The following CADM2 variants were observed in gnomAD, a reference collection of about 807,000 sequenced individuals.
The protein encoded by CADM2 is immunoglobulin superfamily member 4D.
In CADM2, 12 loss-of-function variants were observed where a neutral mutation model predicts 49.8. The ratio of observed to expected loss-of-function variants is 0.24; its 90% CI spans 0.15 to 0.39. The LOEUF (loss-of-function observed/expected upper bound fraction) is 0.39, where lower values mean the gene tolerates loss of function less well. Ranked by LOEUF, CADM2 falls within the 10% of genes least tolerant of loss-of-function variation. The pLI, the probability that CADM2 is intolerant of heterozygous loss-of-function variation, is 1.00. For missense variants in CADM2, 378 were observed against 492.3 expected (o/e 0.77, Z 2.20); for synonymous variants, 214 against 175.4 (o/e 1.22, Z -1.74).
At chr3:85,232,797 G>A (rs1469114472) in intron 1 of CADM2, among the ~76,000 whole-genome samples, 2 of 152,140 alleles carry the variant, frequency 1.3e-5, no homozygotes, top group African/African-American at 4.8e-5. Flanking sequence ...GATGTTAAGA[G>A]TGCAAAATGG....
chr3:85,559,726 C>G (rs2062047520), intron 1 of CADM2, among the ~76,000 whole-genome samples: 1 of 151,508 alleles, frequency 6.6e-6, no homozygotes, highest in Admixed American at 6.6e-5. Context: ...CTTTTTATTG[C>G]TTAAGCCATG....
At chr3:85,801,117 T>G (rs1197458890) in intron 2 of CADM2, among the ~76,000 whole-genome samples, 2 of 152,176 alleles carry the variant, frequency 1.3e-5, no homozygotes, top group Non-Finnish European at 2.9e-5. Flanking sequence ...TTATCAGACT[T>G]AGCAGAGTTT....
At chr3:85,812,729 G>GTGAT in intron 3 of CADM2, among the ~76,000 whole-genome samples, 1 of 152,104 alleles carries the variant, frequency 6.6e-6, no homozygotes, top group Middle Eastern at 3.4e-3. Context: ...GCCTCAGTGT[G>GTGAT]TGATGTTCCC....
intron 2 of CADM2, among the ~76,000 whole-genome samples, chr3:85,753,399 A>G (rs1193784155): frequency 6.6e-6 from 1 of 152,142 alleles, no homozygotes; most frequent in Admixed American, 6.6e-5. Context: ...CAGGAAAAAA[A>G]ATGTGATTGC....
At chr3:85,819,788 G>A (rs1040973209) in intron 3 of CADM2, among the ~76,000 whole-genome samples, 19 of 152,084 alleles carry the variant, frequency 1.2e-4, no homozygotes, top group Non-Finnish European at 2.6e-4. Flanking sequence ...AGTTTTTCTA[G>A]GCGCTTGAGA....
At chr3:85,712,273 T>C (rs1231521516) in intron 1 of CADM2, among the ~76,000 whole-genome samples, 1 of 152,174 alleles carries the variant, frequency 6.6e-6, no homozygotes, top group Non-Finnish European at 1.5e-5. Context: ...TGAAAGACAG[T>C]TCATGACATT....
At chr3:86,013,251 C>T (rs1324108778) in intron 8 of CADM2, 2 of 1,477,152 alleles carry the variant, frequency 1.4e-6, no homozygotes, top group East Asian at 2.3e-5. Flanking sequence ...TAGCAATGCT[C>T]AGAACCCCAG....
chr3:85,767,270 G>A (rs1351222883), intron 2 of CADM2, among the ~76,000 whole-genome samples: 2 of 152,122 alleles, frequency 1.3e-5, no homozygotes, highest in East Asian at 3.9e-4. Context: ...TCAATATTGG[G>A]CATAAGCCAG....
chr3:85,866,880 G>A (rs370199529), intron 3 of CADM2, among the ~76,000 whole-genome samples: 5 of 151,664 alleles, frequency 3.3e-5, no homozygotes, highest in East Asian at 1.9e-4. Flanking sequence ...ATGCACAAAC[G>A]TGCATTCATG....
intron 1 of CADM2, among the ~76,000 whole-genome samples, chr3:85,016,778 G>T (rs1204716127): frequency 6.6e-6 from 1 of 150,752 alleles, no homozygotes; most frequent in Non-Finnish European, 1.5e-5. Flanking sequence ...GGGCAACAGA[G>T]CAAGTCTCCA....
chr3:85,728,286 T>G (rs563394887), intron 2 of CADM2, among the ~76,000 whole-genome samples: 31 of 152,296 alleles, frequency 2.0e-4, no homozygotes, highest in Admixed American at 5.2e-4. Flanking sequence ...CTTAGCCATT[T>G]TATTTGACTC....
At chr3:85,654,704 CT>C (rs2065145601) in intron 1 of CADM2, among the ~76,000 whole-genome samples, 1 of 152,210 alleles carries the variant, frequency 6.6e-6, no homozygotes, top group East Asian at 1.9e-4. Flanking sequence ...TCTAATTGTT[CT>C]TTTTCCCCAT....
At chr3:85,858,270 G>T (rs1463682632) in intron 3 of CADM2, among the ~76,000 whole-genome samples, 2 of 152,198 alleles carry the variant, frequency 1.3e-5, no homozygotes, top group African/African-American at 4.8e-5. Flanking sequence ...TTAAAAGATA[G>T]ATTGTTCATT....
chr3:84,958,994 G>A lies in CADM2; in HGVS notation c.-614G>A. ...GCCCTTGTGTCTGGTGCTTCGTAGA[G>A]CTGCCGCCGTCGCCGCTGCCGCTGC... On this transcript the variant is annotated 5_prime_UTR_variant, in exon 1 of 10. Coordinates refer to ENST00000383699, the MANE Select transcript of CADM2 (RefSeq NM_001167675.2). The A allele has an allele frequency of 5.1e-6, 1 of 197,930 alleles. No individual in the cohort carries two copies. The highest frequency in any genetic ancestry group is 6.9e-5 in the South Asian group (1 of 14,472). The allele number at this position is 197,930 out of a possible 1,614,324, so 12.3% of individuals were successfully genotyped here.
intron 1 of CADM2, among the ~76,000 whole-genome samples, chr3:85,199,663 T>C (rs1009051256): frequency 6.6e-6 from 1 of 151,938 alleles, no homozygotes; most frequent in Non-Finnish European, 1.5e-5. Flanking sequence ...CCACTAAGTG[T>C]TTTCTGAATT....
chr3:85,660,871 G>T (rs552891413), intron 1 of CADM2, among the ~76,000 whole-genome samples: 2 of 149,758 alleles, frequency 1.3e-5, no homozygotes, highest in African/African-American at 4.9e-5. Context: ...CTTTAAAATC[G>T]TGACTTCTAG....
At chr3:85,729,741 C>T (rs891026746) in intron 2 of CADM2, among the ~76,000 whole-genome samples, 24 of 152,130 alleles carry the variant, frequency 1.6e-4, no homozygotes, top group Non-Finnish European at 3.4e-4. Flanking sequence ...GGGTCTATGA[C>T]ACAGATGTCT....
chr3:85,750,940 A>G (rs2107859003), intron 2 of CADM2, among the ~76,000 whole-genome samples: 1 of 152,234 alleles, frequency 6.6e-6, no homozygotes, highest in South Asian at 2.1e-4. Context: ...AAGCCTCATT[A>G]CAAAATTACA....
chr3:85,115,998 C>T (rs1418899848), intron 1 of CADM2, among the ~76,000 whole-genome samples: 1 of 152,184 alleles, frequency 6.6e-6, no homozygotes, highest in East Asian at 1.9e-4. Context: ...AGCAATAGGA[C>T]TCAAGCAATT....
Sources: gnomAD v4.1 joint callset for allele counts (sites outside exome capture counted in the v4.1 genomes callset) on GRCh38, gnomAD v4.1.1 for gene constraint, MANE v1.5 for transcripts, NCBI Gene and HGNC (gene_info 2026-07-23, HGNC 2026-07-21) for gene names.